Variants in CMTM5 observed in about 807,000 individuals in gnomAD.
CMTM5 encodes the protein CKLF like MARVEL transmembrane domain containing 5.
In CMTM5, 25 loss-of-function variants were observed where a neutral mutation model predicts 26.9. The ratio of observed to expected loss-of-function variants is 0.93; its 90% CI spans 0.68 to 1.30. The LOEUF is 1.30. CMTM5 is among the 50% of genes most tolerant of loss of function. CMTM5 has a pLI of 0.00. For synonymous variants in CMTM5, 98 were observed against 115.5 expected (o/e 0.85, Z 0.97); for missense variants, 292 against 289.6 (o/e 1.01, Z -0.06).
Position 23,377,992 on chromosome 14 carries a change from G to A in CMTM5, c.127-357G>A, listed in dbSNP as rs1216315838. On this transcript the variant is annotated intron_variant, in intron 1 of 5. Transcript: ENST00000339180. The surrounding 1 kb of genome is among the most constrained non-coding windows in gnomAD (Gnocchi z 4.6). ...GGTGGGGAAAGCATTATGAGGCAGG[G>A]GGCTCCTCTTGGTCCCTGTGGAGTC... 8.1e-6 allele frequency: 2 copies of A among 247,654 alleles called. No homozygotes were observed. The highest frequency in any genetic ancestry group is 5.0e-5 in the Admixed American group (1 of 19,826). The allele number at this position is 247,654 out of a possible 1,614,324, so 15.3% of individuals were successfully genotyped here.
rs376066775 is a variant in CMTM5 at position 23,379,538 on chromosome 14, G to A, written c.*51G>A. The A allele has an allele frequency of 8.1e-6, 13 of 1,610,378 alleles. No homozygotes were observed. The South Asian group carries it at 8.8e-5, about 11-fold the overall frequency. On this transcript the variant is annotated 3_prime_UTR_variant, in exon 6 of 6. Transcript: ENST00000339180. ...CCAGCCAGCCAGAGAGGACAGTGGA[G>A]CCCAGACACGTCTCCTTGGGATTCA... is the stretch of plus-strand genomic sequence containing the variant.
rs1890668505 is a variant in CMTM5 at position 23,378,261 on chromosome 14, C to T, written c.127-88C>T. 1 of 1,467,710 alleles carries T rather than the reference C, an allele frequency of 6.8e-7. No individual in the cohort carries two copies. The highest frequency in any genetic ancestry group is 9.3e-7 in the Non-Finnish European group (1 of 1,071,092). The allele number at this position is 1,467,710 out of a possible 1,614,324, so 90.9% of individuals were successfully genotyped here. On this transcript the variant is annotated intron_variant, in intron 1 of 5. Coordinates refer to ENST00000339180, the MANE Select transcript of CMTM5 (RefSeq NM_001288746.2). The surrounding 1 kb of genome is among the most constrained non-coding windows in gnomAD (Gnocchi z 4.2). ...CCAAGGACAGGTAGTAGGTGCCAGCCTAGGGGAGCTTCCAAGGAGGGGAAG... is the reference window on the plus strand; with the variant it reads ...CCAAGGACAGGTAGTAGGTGCCAGCTTAGGGGAGCTTCCAAGGAGGGGAAG...
rs1427598762 is a variant in CMTM5, at chr14:23,379,299, G to A, written c.574G>A (p.Val192Ile). The change falls in exon 5 of 6, where the codon GTT (valine) becomes ATT (isoleucine). Residue 192 changes from valine (V) to isoleucine (I), a missense_variant and splice_region_variant. Transcript: ENST00000339180. ...GCCATCCCCACTCCCACTCCCACAG[G>A]TTTTTGGCATCATCCTGGTTTCCAT... is the stretch of plus-strand genomic sequence containing the variant. ...SRDGAAIAAF[V>I]FGIILVSIFA... 2 of 1,613,930 alleles carry A rather than the reference G, an allele frequency of 1.2e-6. No individual in the cohort carries two copies. The highest frequency in any genetic ancestry group is 2.7e-5 in the African/African-American group (2 of 74,882).
At position 23,378,574 on chromosome 14, in the gene CMTM5, C is replaced by T. The variant is rs994451334; in HGVS notation, c.279+73C>T. The T allele has an allele frequency of 3.1e-6, 5 of 1,608,438 alleles. No homozygotes were observed. Among genetic ancestry groups the T allele is most frequent in the South Asian group, 2.2e-5 (2 of 90,856 alleles). On this transcript the variant is annotated intron_variant, in intron 2 of 5. Coordinates refer to ENST00000339180, the MANE Select transcript of CMTM5 (RefSeq NM_001288746.2). This position sits in a 1 kb window ranked among gnomAD's most constrained non-coding sequence, Gnocchi z 4.2. The stretch of plus-strand genomic sequence containing the variant: ...CTAAATGATGCATTTTCCTTTCCTC[C>T]CCGAGCTTCTTTCCATTTCCACACC...
At position 23,379,696 on chromosome 14, in the gene CMTM5, A is replaced by C. The variant is rs1890786021; in HGVS notation, c.*209A>C. On this transcript the variant is annotated 3_prime_UTR_variant, in exon 6 of 6. Coordinates refer to ENST00000339180, the MANE Select transcript of CMTM5 (RefSeq NM_001288746.2). ...ATGAAGCTCTGGCCAGAGGAGGGGA[A>C]CTTATTGGGGGAGGGGGGGTGGAGG... 14 of 1,017,626 alleles carry C rather than the reference A, an allele frequency of 1.4e-5. No homozygotes were observed. The highest frequency in any genetic ancestry group is 1.7e-5 in the South Asian group (1 of 59,778). The allele number at this position is 1,017,626 out of a possible 1,614,324, so 63.0% of individuals were successfully genotyped here. A position where few individuals can be genotyped will look rare whatever the true frequency, so the allele number is the denominator to read the frequency against.
chr14:23,377,431 G>A lies in CMTM5; in HGVS notation c.126+54G>A. ...CCATCTCCCTGACCCCCGGCTCCTG[G>A]CCAGCCTTATGCCAGCCCCCAGCTC... On this transcript the variant is annotated intron_variant, in intron 1 of 5. Transcript: ENST00000339180. The surrounding 1 kb of genome is among the most constrained non-coding windows in gnomAD (Gnocchi z 4.6). The A allele has an allele frequency of 1.3e-6, 2 of 1,510,218 alleles. No individual in the cohort carries two copies. Among genetic ancestry groups the A allele is most frequent in the Non-Finnish European group, 8.8e-7 (1 of 1,130,824 alleles). 93.6% of individuals were successfully genotyped at this position (1,510,218 alleles called of 1,614,324 possible). A position where few individuals can be genotyped will look rare whatever the true frequency, so the allele number is the denominator to read the frequency against.
chr14:23,379,510 G>A lies in CMTM5; in HGVS notation c.*23G>A. The A allele has an allele frequency of 6.2e-7, 1 of 1,613,060 alleles. No homozygotes were observed. ...TGACTCTGGGGCTACCTGGCTCCTAGGCCCAGCCAGCCAGAGAGGACAGTG... is the reference window on the plus strand; with the variant it reads ...TGACTCTGGGGCTACCTGGCTCCTAAGCCCAGCCAGCCAGAGAGGACAGTG... On this transcript the variant is annotated 3_prime_UTR_variant, in exon 6 of 6. Transcript: ENST00000339180.
Position 23,378,766 on chromosome 14 carries a change from C to A in CMTM5, c.377C>A (p.Pro126Gln). Residue 126 changes from proline (P) to glutamine (Q), a missense_variant, in exon 3 of 6, where the codon CCG (proline) becomes CAG (glutamine). Coordinates refer to ENST00000339180, the MANE Select transcript of CMTM5 (RefSeq NM_001288746.2). The surrounding 1 kb of genome is among the most constrained non-coding windows in gnomAD (Gnocchi z 4.2). ...CAGCCCTGGCCTGGCTTGACCCCCC[C>A]GGGCTGGCATACTCCAGCCGCTGTC... ...QPQPWPGLTPPGWHTPAAVPW... is the reference protein window; with the variant it reads ...QPQPWPGLTPQGWHTPAAVPW... The A allele has an allele frequency of 6.2e-7, 1 of 1,612,478 alleles. No homozygotes were observed. The highest frequency in any genetic ancestry group is 8.5e-7 in the Non-Finnish European group (1 of 1,179,810).
At position 23,378,218 on chromosome 14, in the gene CMTM5, C is replaced by T; in HGVS notation, c.127-131C>T. ...GACACCAGGGGATAGGGAGATGTGC[C>T]AGAGTCCTTCCTCCCCTCCAAGGAC... On this transcript the variant is annotated intron_variant, in intron 1 of 5. Transcript: ENST00000339180. This position sits in a 1 kb window ranked among gnomAD's most constrained non-coding sequence, Gnocchi z 4.2. The T allele has an allele frequency of 1.0e-6, 1 of 962,222 alleles. No individual in the cohort carries two copies. The highest frequency in any genetic ancestry group is 1.5e-6 in the Non-Finnish European group (1 of 653,952). The allele number at this position is 962,222 out of a possible 1,614,324, so 59.6% of individuals were successfully genotyped here.
In CMTM5 at chr14:23,377,460, C is replaced by A; in HGVS notation, c.126+83C>A. ...GCCTTATGCCAGCCCCCAGCTCACC[C>A]TTCAGTAGCCTCCTTCCCCAAGCCC... On this transcript the variant is annotated intron_variant, in intron 1 of 5. Transcript: ENST00000339180. The surrounding 1 kb of genome is among the most constrained non-coding windows in gnomAD (Gnocchi z 4.6). 1 of 1,443,530 alleles carries A rather than the reference C, an allele frequency of 6.9e-7. No individual in the cohort carries two copies. Among genetic ancestry groups the A allele is most frequent in the South Asian group, 1.4e-5 (1 of 71,252 alleles). 89.4% of individuals were successfully genotyped at this position (1,443,530 alleles called of 1,614,324 possible).
chr14:23,379,493 G>T lies in CMTM5; in HGVS notation c.*6G>T. The stretch of plus-strand genomic sequence containing the variant: ...TCACAGGGGACCAGCAGTGACTCTG[G>T]GGCTACCTGGCTCCTAGGCCCAGCC... On this transcript the variant is annotated 3_prime_UTR_variant, in exon 6 of 6. Transcript: ENST00000339180. 1 of 1,613,648 alleles carries T rather than the reference G, an allele frequency of 6.2e-7. No homozygotes were observed. The highest frequency in any genetic ancestry group is 8.5e-7 in the Non-Finnish European group (1 of 1,180,016).
In CMTM5 at chr14:23,378,250, T is replaced by C; in HGVS notation, c.127-99T>C. On this transcript the variant is annotated intron_variant, in intron 1 of 5. Coordinates refer to ENST00000339180, the MANE Select transcript of CMTM5 (RefSeq NM_001288746.2). This position sits in a 1 kb window ranked among gnomAD's most constrained non-coding sequence, Gnocchi z 4.2. The stretch of plus-strand genomic sequence containing the variant: ...CTTCCTCCCCTCCAAGGACAGGTAG[T>C]AGGTGCCAGCCTAGGGGAGCTTCCA... The C allele has an allele frequency of 7.6e-7, 1 of 1,314,586 alleles. No homozygotes were observed. The highest frequency in any genetic ancestry group is 1.1e-6 in the Non-Finnish European group (1 of 945,560). The allele number at this position is 1,314,586 out of a possible 1,614,324, so 81.4% of individuals were successfully genotyped here. A position where few individuals can be genotyped will look rare whatever the true frequency, so the allele number is the denominator to read the frequency against.
rs565772617 is a variant in CMTM5, at chr14:23,379,632, C to T, written c.*145C>T. On this transcript the variant is annotated 3_prime_UTR_variant, in exon 6 of 6. Transcript: ENST00000339180. ...GTCTGGCCTGAGACGTCACTGGGGA[C>T]TTATCTGTGGAGCCTGGTGCTCCAG... is the stretch of plus-strand genomic sequence containing the variant. 5.4e-6 allele frequency: 7 copies of T among 1,306,790 alleles called. No individual in the cohort carries two copies. The East Asian group carries it at 2.5e-4, about 47-fold the overall frequency. 80.9% of individuals were successfully genotyped at this position (1,306,790 alleles called of 1,614,324 possible). A position where few individuals can be genotyped will look rare whatever the true frequency, so the allele number is the denominator to read the frequency against.
At position 23,377,417 on chromosome 14, in the gene CMTM5, A is replaced by C; in HGVS notation, c.126+40A>C. On this transcript the variant is annotated intron_variant, in intron 1 of 5. Coordinates refer to ENST00000339180, the MANE Select transcript of CMTM5 (RefSeq NM_001288746.2). The surrounding 1 kb of genome is among the most constrained non-coding windows in gnomAD (Gnocchi z 4.6). ...CCAACCTGGTGCCTCCATCTCCCTGACCCCCGGCTCCTGGCCAGCCTTATG... is the reference window on the plus strand; with the variant it reads ...CCAACCTGGTGCCTCCATCTCCCTGCCCCCCGGCTCCTGGCCAGCCTTATG... 6.6e-7 allele frequency: 1 copy of C among 1,509,148 alleles called. No individual in the cohort carries two copies. The allele number at this position is 1,509,148 out of a possible 1,614,324, so 93.5% of individuals were successfully genotyped here.
Position 23,377,300 on chromosome 14 carries a change from G to A in CMTM5, c.49G>A (p.Val17Ile), listed in dbSNP as rs751980986. Residue 17 changes from valine (V) to isoleucine (I), a missense_variant, in exon 1 of 6, where the codon GTT becomes ATT. Val to Ile is a conservative substitution (Grantham distance 29). Transcript: ENST00000339180. This position sits in a 1 kb window ranked among gnomAD's most constrained non-coding sequence, Gnocchi z 4.6. ...GGACCGGCACCCTGAGGAGGGGGTAGTTGCAGAGCTCCAGGGCTTCGCGGT... is the reference window on the plus strand; with the variant it reads ...GGACCGGCACCCTGAGGAGGGGGTAATTGCAGAGCTCCAGGGCTTCGCGGT... Reference protein sequence around the residue: ...RRDRHPEEGVVAELQGFAVDK... With the variant: ...RRDRHPEEGVIAELQGFAVDK... 1 of 1,612,344 alleles carries A rather than the reference G, an allele frequency of 6.2e-7. No homozygotes were observed. The highest frequency in any genetic ancestry group is 8.5e-7 in the Non-Finnish European group (1 of 1,179,234).
chr14:23,377,097 C>T lies in CMTM5; in HGVS notation c.-155C>T. 2 of 1,045,464 alleles carry T rather than the reference C, an allele frequency of 1.9e-6. No homozygotes were observed. Among genetic ancestry groups the T allele is most frequent in the Non-Finnish European group, 2.7e-6 (2 of 727,908 alleles). The allele number at this position is 1,045,464 out of a possible 1,614,324, so 64.8% of individuals were successfully genotyped here. On this transcript the variant is annotated 5_prime_UTR_variant, in exon 1 of 6. Transcript: ENST00000339180. This position sits in a 1 kb window ranked among gnomAD's most constrained non-coding sequence, Gnocchi z 4.6. ...TCTGGGCAAGGCCCCCAGCGCCTGC[C>T]TTCTCTCCCGGGGCCCTGTGGGCAA...
chr14:23,377,026 G>A (rs1890585481), upstream of CMTM5: 7 of 566,358 alleles, frequency 1.2e-5, no homozygotes, highest in East Asian at 3.2e-5. The surrounding 1 kb of genome is among the most constrained non-coding windows in gnomAD (Gnocchi z 4.6). Context: ...TAGGGGGCTG[G>A]TGCAGGCAGC....
chr14:23,379,130 T>C lies in CMTM5; in HGVS notation c.573+7T>C. 6.2e-7 allele frequency: 1 copy of C among 1,613,354 alleles called. No individual in the cohort carries two copies. On this transcript the variant is annotated splice_region_variant and intron_variant, in intron 4 of 5. Transcript: ENST00000339180. ...AGCTGCCATTGCTGCTTTTGTGAGT[T>C]CAGCCCTGCAGGACTCCTTAGCCCC... is the stretch of plus-strand genomic sequence containing the variant.
chr14:23,378,338 C>G lies in CMTM5; in HGVS notation c.127-11C>G, dbSNP rs747973813. The G allele has an allele frequency of 1.1e-5, 17 of 1,613,474 alleles. No individual in the cohort carries two copies. Among genetic ancestry groups the G allele is most frequent in the Non-Finnish European group, 1.4e-5 (17 of 1,179,792 alleles). ...CCCTTCTTGGCATGTTCCACATGCT[C>G]GGTCCTGCAGGCCCTGACCCTCATC... On this transcript the variant is annotated splice_polypyrimidine_tract_variant and intron_variant, in intron 1 of 5. Coordinates refer to ENST00000339180, the MANE Select transcript of CMTM5 (RefSeq NM_001288746.2). The surrounding 1 kb of genome is among the most constrained non-coding windows in gnomAD (Gnocchi z 4.2).
Sources: gnomAD v4.1 joint callset for allele counts on GRCh38, gnomAD v4.1.1 for gene constraint, Gnocchi (gnomAD v3.1) non-coding constraint, MANE v1.5 for transcripts, NCBI Gene and HGNC (gene_info 2026-07-23, HGNC 2026-07-21) for gene names.